The following TPO variants were observed in gnomAD, a reference collection of about 807,000 sequenced individuals.
The protein encoded by TPO is thyroid microsomal antigen.
A neutral mutation model predicts 96.9 loss-of-function variants in TPO; 78 were observed. The observed-to-expected ratio is 0.81, with a 90% confidence interval of 0.67 to 0.97. The LOEUF is 0.97. Ranked by LOEUF, TPO falls within the 50% of genes least tolerant of loss-of-function variation. The probability of loss-of-function intolerance (pLI) is 0.00; values close to 1 mark genes in which losing one functional copy is unlikely to be tolerated. For synonymous variants in TPO, 547 were observed against 538.0 expected (o/e 1.02, Z -0.23); for missense variants, 1,252 against 1,274.8 (o/e 0.98, Z 0.27).
At chr2:1,508,735 C>T (rs1268864588) in intron 14 of TPO, among the ~76,000 whole-genome samples, 1 of 152,100 alleles carries the variant, frequency 6.6e-6, no homozygotes, top group East Asian at 1.9e-4. Context: ...GGTGATATCC[C>T]CTTTATCATT....
chr2:1,430,721 A>T (rs998321798), intron 3 of TPO, among the ~76,000 whole-genome samples: 1 of 152,252 alleles, frequency 6.6e-6, no homozygotes, highest in African/African-American at 2.4e-5. Context: ...AGGGTACAGG[A>T]CACGGAGTCA....
intron 13 of TPO, among the ~76,000 whole-genome samples, chr2:1,501,512 G>A (rs1027745778): frequency 1.3e-5 from 2 of 152,212 alleles, no homozygotes; most frequent in African/African-American, 2.4e-5. Flanking sequence ...TGGGTGGAGC[G>A]TTGTGGGCCA....
intron 15 of TPO, among the ~76,000 whole-genome samples, chr2:1,519,034 G>A (rs1018146435): frequency 1.3e-5 from 2 of 152,312 alleles, no homozygotes; most frequent in Admixed American, 1.3e-4. Flanking sequence ...CCATCTTGAC[G>A]GGAAGGCAGA....
At chr2:1,530,433 C>T (rs1055162582) in intron 15 of TPO, among the ~76,000 whole-genome samples, 18 of 149,720 alleles carry the variant, frequency 1.2e-4, no homozygotes, top group African/African-American at 3.5e-4. Flanking sequence ...AAATCCCCAC[C>T]ACTGTGTGCA....
At chr2:1,469,537 T>C (rs549266849) in intron 7 of TPO, among the ~76,000 whole-genome samples, 11 of 152,194 alleles carry the variant, frequency 7.2e-5, no homozygotes, top group Non-Finnish European at 1.6e-4. Flanking sequence ...AGTTTCCTTC[T>C]CCCTGTGGCC....
intron 15 of TPO, among the ~76,000 whole-genome samples, chr2:1,528,930 C>A (rs1427976950): frequency 7.2e-6 from 1 of 138,546 alleles, no homozygotes; most frequent in Non-Finnish European, 1.5e-5. Context: ...GTGTGCAACC[C>A]CCACAAATCC....
chr2:1,505,516 C>CCCT (rs1673348784), intron 14 of TPO, among the ~76,000 whole-genome samples: 1 of 101,744 alleles, frequency 9.8e-6, no homozygotes, highest in Non-Finnish European at 1.9e-5. Context: ...CACCACCATC[C>CCCT]TGTGTCAAGC....
intron 7 of TPO, among the ~76,000 whole-genome samples, chr2:1,459,344 G>A (rs559900291): frequency 3.9e-5 from 6 of 152,112 alleles, no homozygotes; most frequent in African/African-American, 1.4e-4. Flanking sequence ...TAGAGACGGG[G>A]TGTCACCATG....
At chr2:1,412,239 A>AT (rs1027966869), upstream of TPO, among the ~76,000 whole-genome samples, 3 of 152,182 alleles carry the variant, frequency 2.0e-5, no homozygotes, top group Admixed American at 2.0e-4. Context: ...AGTACATGAG[A>AT]TTTTCACTTG....
intron 1 of TPO, among the ~76,000 whole-genome samples, chr2:1,395,223 C>T (rs1038557053): frequency 6.6e-6 from 1 of 152,126 alleles, no homozygotes. Context: ...TGCACAGAAG[C>T]TCTGGCATAA....
At chr2:1,402,963 T>C (rs1662194594) in intron 1 of TPO, among the ~76,000 whole-genome samples, 2 of 152,192 alleles carry the variant, frequency 1.3e-5, no homozygotes, top group Admixed American at 1.3e-4. Context: ...ATTTCCGGCA[T>C]CCTCATTGGA....
intron 15 of TPO, among the ~76,000 whole-genome samples, chr2:1,525,998 T>TC (rs1676383638): frequency 3.3e-4 from 11 of 33,406 alleles, no homozygotes; most frequent in Non-Finnish European, 4.0e-4. Flanking sequence ...CCTCCCCAAA[T>TC]CCCCCACTGT....
At chr2:1,421,477 C>T (rs148917998) in intron 2 of TPO, among the ~76,000 whole-genome samples, 64 of 152,282 alleles carry the variant, frequency 4.2e-4, no homozygotes, top group African/African-American at 1.5e-3. Context: ...AGCCCATGGC[C>T]GTCACCCCTC....
Position 1,527,478 on chromosome 2 carries a change from TCCC to T in TPO, c.2618+10500_2618+10502del, listed in dbSNP as rs565351145. Among the ~76,000 whole-genome samples the T allele has an allele frequency of 1.8e-3, 244 of 132,692 alleles. 3 individuals carry two copies. The highest frequency in any genetic ancestry group is 5.4e-3 in the African/African-American group (182 of 33,558). 87.1% of individuals were successfully genotyped at this position (132,692 alleles called of 152,430 possible). A position where few individuals can be genotyped will look rare whatever the true frequency, so the allele number is the denominator to read the frequency against. ...CCCCACTGTGTGCAACCTCCTCAAA[TCCC>T]CCCATCTGTGTGCGACCTCCCCAAA... is the stretch of plus-strand genomic sequence containing the variant. On this transcript the variant is annotated intron_variant, in intron 15 of 16. Coordinates refer to ENST00000329066, the MANE Select transcript of TPO (RefSeq NM_001206744.2).
chr2:1,424,831 G>C (rs184583617), intron 3 of TPO, among the ~76,000 whole-genome samples: 213 of 150,982 alleles, frequency 1.4e-3, no homozygotes, highest in Non-Finnish European at 2.5e-3. Context: ...TAGATGCCGG[G>C]ATACAGAGAT....
At chr2:1,503,688 T>C in intron 13 of TPO, 1 of 674,336 alleles carries the variant, frequency 1.5e-6, no homozygotes, top group Non-Finnish European at 2.7e-6. Context: ...GGAAGTCTCC[T>C]GTGACTCGGG....
chr2:1,456,121 G>C lies in TPO; in HGVS notation c.658G>C (p.Val220Leu), dbSNP rs1667759845. Residue 220 changes from valine to leucine, a missense_variant, in exon 7 of 17, where the codon GTC (valine) becomes CTC (leucine). Coordinates refer to ENST00000329066, the MANE Select transcript of TPO (RefSeq NM_001206744.2). ...TGTCATTCAAGTTTCAAATGAGGTT[G>C]TCACAGATGATGACCGCTATTCTGA... ...RHVIQVSNEV[V>L]TDDDRYSDLL... 5.0e-6 allele frequency: 8 copies of C among 1,614,046 alleles called. No individual in the cohort carries two copies. Among genetic ancestry groups the C allele is most frequent in the Non-Finnish European group, 5.9e-6 (7 of 1,180,028 alleles).
chr2:1,516,992 T>G lies in TPO; in HGVS notation c.2618+10T>G, dbSNP rs1254249668. 6.2e-7 allele frequency: 1 copy of G among 1,613,414 alleles called. No homozygotes were observed. The highest frequency in any genetic ancestry group is 8.5e-7 in the Non-Finnish European group (1 of 1,179,784). On this transcript the variant is annotated intron_variant, in intron 15 of 16. Coordinates refer to ENST00000329066, the MANE Select transcript of TPO (RefSeq NM_001206744.2). ...CGGTGATTTGCAGGTGGTAAGTCCT[T>G]CACTTTTTGACTGTTACTTAGACAC...
chr2:1,449,844 T>C (rs552550138), intron 5 of TPO, among the ~76,000 whole-genome samples: 1 of 152,296 alleles, frequency 6.6e-6, no homozygotes, highest in Non-Finnish European at 1.5e-5. Flanking sequence ...TTGAAGGGTT[T>C]TCCTCTGAGG....
Sources: allele counts gnomAD v4.1 joint callset (sites outside exome capture counted in the v4.1 genomes callset), GRCh38; gene constraint gnomAD v4.1.1; transcripts MANE v1.5; gene names NCBI Gene and HGNC (gene_info 2026-07-23, HGNC 2026-07-21).